Variants in EPHA6 observed in about 807,000 individuals in gnomAD.
EPHA6 encodes ephrin type-A receptor 6.
EPHA6 carries 50 observed loss-of-function variants against 112.0 expected under a neutral mutation model. The observed-to-expected ratio is 0.45, with a 90% CI of 0.36 to 0.56. The LOEUF is 0.56. Among genes scored for constraint, EPHA6 ranks in the 20% least tolerant of loss-of-function variants. The pLI is 0.00. For missense variants in EPHA6, 1,280 were observed against 1,417.4 expected (o/e 0.90, Z 1.56); for synonymous variants, 529 against 490.7 (o/e 1.08, Z -1.03).
chr3:96,978,872 C>T (rs143810625), intron 2 of EPHA6, among the ~76,000 whole-genome samples: 15 of 152,116 alleles, frequency 9.9e-5, no homozygotes, highest in South Asian at 2.1e-4. Flanking sequence ...TGAACATCTC[C>T]GCAACTGAAT....
At chr3:97,285,020 C>T (rs1372792875) in intron 5 of EPHA6, among the ~76,000 whole-genome samples, 1 of 151,996 alleles carries the variant, frequency 6.6e-6, no homozygotes, top group Non-Finnish European at 1.5e-5. Context: ...TTTGACTATA[C>T]GTGTGTCAAA....
chr3:97,017,874 T>G (rs1453942758), intron 3 of EPHA6, among the ~76,000 whole-genome samples: 2 of 152,108 alleles, frequency 1.3e-5, no homozygotes, highest in Admixed American at 1.3e-4. Context: ...TGAATAAACT[T>G]TCTATGCCTA....
intron 12 of EPHA6, among the ~76,000 whole-genome samples, chr3:97,607,646 C>G (rs889480900): frequency 2.6e-5 from 4 of 151,062 alleles, no homozygotes; most frequent in African/African-American, 9.7e-5. Context: ...TGAAAATGAT[C>G]TGGGGATTTC....
chr3:97,441,049 G>C (rs938817551), intron 6 of EPHA6, among the ~76,000 whole-genome samples: 14 of 152,096 alleles, frequency 9.2e-5, no homozygotes, highest in African/African-American at 3.4e-4. Flanking sequence ...TTTTCAAAGA[G>C]CAGATAATTC....
intron 13 of EPHA6, among the ~76,000 whole-genome samples, chr3:97,635,102 G>A (rs901828312): frequency 3.3e-5 from 5 of 151,900 alleles, no homozygotes. Flanking sequence ...GTGAAAAAAG[G>A]CAAAAACATG....
intron 3 of EPHA6, among the ~76,000 whole-genome samples, chr3:97,062,336 A>G (rs1444209143): frequency 6.8e-6 from 1 of 147,848 alleles, no homozygotes; most frequent in East Asian, 1.9e-4. Context: ...AAAGAGAACT[A>G]TAAAGATGAC....
chr3:97,596,875 AATAT>A (rs62670860), intron 12 of EPHA6, among the ~76,000 whole-genome samples: 64,605 of 100,160 alleles, frequency 0.65, 22,498 homozygotes, highest in Non-Finnish European at 0.75. Flanking sequence ...ATATCTATGG[AATAT>A]ATATATATAT....
intron 2 of EPHA6, among the ~76,000 whole-genome samples, chr3:96,938,331 G>GT (rs1553666197): frequency 1.3e-5 from 2 of 151,796 alleles, no homozygotes; most frequent in Non-Finnish European, 2.9e-5. Flanking sequence ...CACATCCCTT[G>GT]TAAGTTGGAT....
chr3:97,161,511 A>T (rs749298320), intron 3 of EPHA6, among the ~76,000 whole-genome samples: 3 of 152,150 alleles, frequency 2.0e-5, no homozygotes, highest in Non-Finnish European at 4.4e-5. Flanking sequence ...GGCTCCACTC[A>T]AAATTAGTGT....
chr3:97,635,128 T>G lies in EPHA6; in HGVS notation c.2575-2745T>G, dbSNP rs188569317. Among the ~76,000 whole-genome samples the G allele has an allele frequency of 1.9e-3, 296 of 152,202 alleles. 2 individuals are homozygous for G. The highest frequency in any genetic ancestry group is 6.5e-3 in the African/African-American group (270 of 41,558). ...CAAAAACATGTACTTAGTGCTATTA[T>G]GAAAATAATTTTGACCTCATGGACC... On this transcript the variant is annotated intron_variant, in intron 13 of 17. Coordinates refer to ENST00000389672, the MANE Select transcript of EPHA6 (RefSeq NM_001080448.3).
intron 2 of EPHA6, among the ~76,000 whole-genome samples, chr3:96,977,222 G>T (rs2107802807): frequency 6.6e-6 from 1 of 152,256 alleles, no homozygotes; most frequent in East Asian, 1.9e-4. Flanking sequence ...CTAATTTAAA[G>T]AATGGAACTG....
chr3:97,380,825 T>A (rs1278859031), intron 5 of EPHA6, among the ~76,000 whole-genome samples: 2 of 152,226 alleles, frequency 1.3e-5, no homozygotes, highest in Non-Finnish European at 2.9e-5. Context: ...TATATTATTC[T>A]GTCTGCAATC....
chr3:97,480,481 T>C (rs1320432845), intron 9 of EPHA6, among the ~76,000 whole-genome samples: 2 of 152,170 alleles, frequency 1.3e-5, no homozygotes, highest in Non-Finnish European at 1.5e-5. Context: ...AAGCACATCT[T>C]GCACCGCCCT....
Position 97,720,418 on chromosome 3 carries a change from C to G in EPHA6, c.2934+8C>G, listed in dbSNP as rs2034473598. The G allele has an allele frequency of 6.3e-7, 1 of 1,586,686 alleles. No homozygotes were observed. The highest frequency in any genetic ancestry group is 8.6e-7 in the Non-Finnish European group (1 of 1,169,058). ...GAAATGTCTAACCAAGATGTAAGTG[C>G]TACCGATAGTTAAACTGCCATTTTG... is the stretch of plus-strand genomic sequence containing the variant. On this transcript the variant is annotated splice_region_variant and intron_variant, in intron 15 of 17. Transcript: ENST00000389672.
chr3:97,545,672 G>C (rs543265173), intron 11 of EPHA6, among the ~76,000 whole-genome samples: 1 of 152,268 alleles, frequency 6.6e-6, no homozygotes, highest in East Asian at 1.9e-4. Context: ...GGGTGTTAAA[G>C]TCTCTCATTA....
intron 2 of EPHA6, among the ~76,000 whole-genome samples, chr3:96,932,852 A>T (rs935121567): frequency 1.3e-5 from 2 of 152,222 alleles, no homozygotes; most frequent in African/African-American, 2.4e-5. Context: ...AAAAATATTA[A>T]TGTCATAATA....
At chr3:97,556,263 G>T (rs2093107902) in intron 11 of EPHA6, among the ~76,000 whole-genome samples, 1 of 151,956 alleles carries the variant, frequency 6.6e-6, no homozygotes, top group South Asian at 2.1e-4. Flanking sequence ...TGTTTCTAAA[G>T]ATCTGTGAAT....
intron 4 of EPHA6, among the ~76,000 whole-genome samples, chr3:97,236,239 A>G (rs938129610): frequency 1.3e-5 from 2 of 151,826 alleles, no homozygotes; most frequent in Non-Finnish European, 2.9e-5. Context: ...AAAAATAGTC[A>G]CTGAGGTTGG....
intron 2 of EPHA6, among the ~76,000 whole-genome samples, chr3:96,917,252 C>T (rs1030335087): frequency 6.6e-6 from 1 of 151,724 alleles, no homozygotes; most frequent in Non-Finnish European, 1.5e-5. Context: ...GAAACCCCAT[C>T]TCTACTAAAA....
Sources: allele counts gnomAD v4.1 joint callset (sites outside exome capture counted in the v4.1 genomes callset), GRCh38; gene constraint gnomAD v4.1.1; transcripts MANE v1.5; gene names NCBI Gene and HGNC (gene_info 2026-07-23, HGNC 2026-07-21).